GLRA3: variants seen among roughly 807,000 people sequenced by gnomAD.
GLRA3 encodes the protein glycine receptor alpha 3.
Under a neutral mutation model 60.4 loss-of-function variants are expected in GLRA3, and 44 were observed. The observed-to-expected ratio is 0.73, with a 90% CI of 0.57 to 0.94. The LOEUF (loss-of-function observed/expected upper bound fraction) is 0.94. GLRA3 is among the 40% of genes least tolerant of loss of function. GLRA3 has a pLI of 0.00. For synonymous variants in GLRA3, 223 were observed against 192.9 expected (o/e 1.16, Z -1.29); for missense variants, 508 against 564.6 (o/e 0.90, Z 1.02).
intron 5 of GLRA3, among the ~76,000 whole-genome samples, chr4:174,688,706 G>A (rs1734664583): frequency 6.6e-6 from 1 of 151,190 alleles, no homozygotes; most frequent in Non-Finnish European, 1.5e-5. Flanking sequence ...CTTATATGTT[G>A]AAGGTAGTTG....
At chr4:174,749,270 T>C (rs1268398679) in intron 3 of GLRA3, among the ~76,000 whole-genome samples, 2 of 152,070 alleles carry the variant, frequency 1.3e-5, no homozygotes, top group Admixed American at 6.6e-5. Flanking sequence ...TCCCCCAGCT[T>C]TCCAGTACTT....
intron 7 of GLRA3, among the ~76,000 whole-genome samples, chr4:174,667,423 C>T (rs1297479661): frequency 6.6e-6 from 1 of 152,042 alleles, no homozygotes; most frequent in African/African-American, 2.4e-5. Flanking sequence ...ATAAAGGCAG[C>T]TTTGTTAAAG....
intron 2 of GLRA3, among the ~76,000 whole-genome samples, chr4:174,767,505 T>A (rs184490059): frequency 3.7e-4 from 56 of 152,266 alleles, no homozygotes; most frequent in African/African-American, 1.3e-3. Context: ...TTGCTGGTTT[T>A]TCTTGCAGTT....
chr4:174,778,851 A>G (rs1196770485), intron 2 of GLRA3, among the ~76,000 whole-genome samples: 1 of 152,190 alleles, frequency 6.6e-6, no homozygotes, highest in Non-Finnish European at 1.5e-5. Flanking sequence ...TTGCTAGCAC[A>G]GCAGTCTGAG....
At chr4:174,750,661 C>T (rs1292249702) in intron 3 of GLRA3, among the ~76,000 whole-genome samples, 2 of 152,214 alleles carry the variant, frequency 1.3e-5, no homozygotes, top group East Asian at 3.9e-4. Flanking sequence ...CAGATAAAAA[C>T]TTAGCAGTAC....
chr4:174,787,286 A>C (rs1325206877), intron 2 of GLRA3, among the ~76,000 whole-genome samples: 1 of 152,132 alleles, frequency 6.6e-6, no homozygotes, highest in African/African-American at 2.4e-5. Flanking sequence ...AGTTAAAAGA[A>C]AGAAATACTT....
intron 4 of GLRA3, among the ~76,000 whole-genome samples, chr4:174,716,661 C>T (rs2111098161): frequency 6.6e-6 from 1 of 152,220 alleles, no homozygotes; most frequent in South Asian, 2.1e-4. Context: ...TTCAAATCCC[C>T]TATATTGCAG....
intron 5 of GLRA3, among the ~76,000 whole-genome samples, chr4:174,695,611 G>A (rs1735022418): frequency 6.6e-6 from 1 of 152,040 alleles, no homozygotes. Context: ...ACCCATCTCT[G>A]ACAAACCTGC....
intron 2 of GLRA3, 100 bp downstream of exon 2, chr4:174,788,716 T>C: frequency 2.7e-6 from 2 of 734,656 alleles, no homozygotes; most frequent in Non-Finnish European, 4.1e-6. Flanking sequence ...GGAAGATTGT[T>C]GAAAATAAGC....
chr4:174,719,310 A>AT (rs1736053239), intron 4 of GLRA3, among the ~76,000 whole-genome samples: 1 of 151,944 alleles, frequency 6.6e-6, no homozygotes, highest in Admixed American at 6.6e-5. Flanking sequence ...GCATTGAAGC[A>AT]TTTTTCATGA....
intron 1 of GLRA3, among the ~76,000 whole-genome samples, chr4:174,815,127 G>C (rs1338216879): frequency 6.6e-6 from 1 of 152,160 alleles, no homozygotes; most frequent in African/African-American, 2.4e-5. Context: ...AAGGCTAGAG[G>C]CCCCATACAA....
chr4:174,647,121 C>T (rs149800739), intron 9 of GLRA3, among the ~76,000 whole-genome samples: 3,022 of 152,180 alleles, frequency 0.02, 29 homozygotes, highest in South Asian at 0.032. Flanking sequence ...TTAATAATTT[C>T]GGGGGCTGGG....
chr4:174,770,241 C>A (rs1738325582), intron 2 of GLRA3, among the ~76,000 whole-genome samples: 1 of 152,060 alleles, frequency 6.6e-6, no homozygotes, highest in Admixed American at 6.6e-5. Context: ...ATTGAAATCA[C>A]CTGGCAATCT....
intron 1 of GLRA3, among the ~76,000 whole-genome samples, chr4:174,793,423 C>CATTT (rs3059164): frequency 0.07 from 8,408 of 119,648 alleles, 294 homozygotes; most frequent in Admixed American, 0.12. Flanking sequence ...AATTTACATT[C>CATTT]ATTTATTTAT....
intron 1 of GLRA3, among the ~76,000 whole-genome samples, chr4:174,823,944 G>C (rs1288119729): frequency 6.6e-6 from 1 of 152,182 alleles, no homozygotes; most frequent in Non-Finnish European, 1.5e-5. Flanking sequence ...AGAGATCTCT[G>C]AGTACTTTTC....
intron 5 of GLRA3, among the ~76,000 whole-genome samples, chr4:174,713,934 T>C (rs1051937350): frequency 1.3e-5 from 2 of 152,192 alleles, no homozygotes. Flanking sequence ...CCCATCAACA[T>C]TTGCTTCTCA....
chr4:174,660,592 T>C (rs1183473152), intron 7 of GLRA3, among the ~76,000 whole-genome samples: 1 of 152,218 alleles, frequency 6.6e-6, no homozygotes, highest in Non-Finnish European at 1.5e-5. Context: ...GCATGGAATA[T>C]TTTGAAGCTA....
intron 3 of GLRA3, among the ~76,000 whole-genome samples, chr4:174,741,646 A>G (rs1052093803): frequency 1.3e-5 from 2 of 152,058 alleles, no homozygotes; most frequent in African/African-American, 4.8e-5. Context: ...TGTTATATCT[A>G]AGAGCTCGTT....
At chr4:174,708,765 A>G (rs1735605556) in intron 5 of GLRA3, among the ~76,000 whole-genome samples, 2 of 151,188 alleles carry the variant, frequency 1.3e-5, no homozygotes, top group Non-Finnish European at 1.5e-5. Context: ...TGATTCTAAG[A>G]AATTATTATC....
Sources: allele counts gnomAD v4.1 joint callset (sites outside exome capture counted in the v4.1 genomes callset), GRCh38; gene constraint gnomAD v4.1.1; transcripts MANE v1.5; gene names NCBI Gene and HGNC (gene_info 2026-07-23, HGNC 2026-07-21).